The following CNTLN variants were observed in gnomAD, a reference collection of about 807,000 sequenced individuals.
CNTLN encodes the protein centlein, also known as centlein, centrosomal protein.
In CNTLN, 212 loss-of-function variants were observed where a neutral mutation model predicts 180.0. The ratio of observed to expected loss-of-function variants is 1.18; its 90% CI spans 1.05 to 1.32. The LOEUF (loss-of-function observed/expected upper bound fraction) is 1.32. CNTLN is among the 40% of genes most tolerant of loss of function. CNTLN has a pLI of 0.00. For synonymous variants in CNTLN, 722 were observed against 563.1 expected (o/e 1.28, Z -3.99); for missense variants, 2,095 against 1,610.9 (o/e 1.30, Z -5.14).
chr9:17,267,220 T>G (rs555635627), intron 5 of CNTLN, among the ~76,000 whole-genome samples: 5 of 152,266 alleles, frequency 3.3e-5, no homozygotes, highest in Admixed American at 1.3e-4. Flanking sequence ...AGGAGCTCTT[T>G]TAGGGCAGGC....
At chr9:17,289,630 T>A (rs1164890773) in intron 6 of CNTLN, among the ~76,000 whole-genome samples, 5 of 128,626 alleles carry the variant, frequency 3.9e-5, no homozygotes, top group East Asian at 2.2e-4. Flanking sequence ...ATTCTCCCCA[T>A]CACTTTCAGG....
chr9:17,325,917 A>G (rs1054943283), intron 8 of CNTLN, among the ~76,000 whole-genome samples: 14 of 152,068 alleles, frequency 9.2e-5, no homozygotes, highest in Non-Finnish European at 1.5e-4. Flanking sequence ...TTTTCTATGT[A>G]TTAGGCAATA....
intron 18 of CNTLN, among the ~76,000 whole-genome samples, chr9:17,438,395 A>T (rs1829906295): frequency 6.6e-6 from 1 of 152,180 alleles, no homozygotes; most frequent in African/African-American, 2.4e-5. Context: ...TTGATGACCA[A>T]TTGCATATAG....
At chr9:17,207,817 T>G (rs1218992538) in intron 2 of CNTLN, among the ~76,000 whole-genome samples, 1 of 152,172 alleles carries the variant, frequency 6.6e-6, no homozygotes, top group Non-Finnish European at 1.5e-5. Flanking sequence ...TATGCTGACT[T>G]TTTATCATGC....
intron 7 of CNTLN, among the ~76,000 whole-genome samples, chr9:17,307,711 T>C (rs1407061884): frequency 1.3e-5 from 2 of 152,124 alleles, no homozygotes; most frequent in South Asian, 2.1e-4. Context: ...TACAAGCCTT[T>C]TTAAATTTTA....
At chr9:17,243,561 T>G (rs1819484) in intron 5 of CNTLN, among the ~76,000 whole-genome samples, 26,290 of 152,150 alleles carry the variant, frequency 0.17, 2,564 homozygotes, top group South Asian at 0.28. Flanking sequence ...CTTAATTTCT[T>G]CATTGACCTA....
chr9:17,508,978 C>T, the CNTLN span, among the ~76,000 whole-genome samples: 1 of 152,168 alleles, frequency 6.6e-6, no homozygotes, highest in Non-Finnish European at 1.5e-5. Flanking sequence ...GTCATGCTCA[C>T]CAAAGGGTGA....
At chr9:17,234,981 A>G (rs756596602) in intron 3 of CNTLN, among the ~76,000 whole-genome samples, 21 of 152,156 alleles carry the variant, frequency 1.4e-4, no homozygotes, top group Middle Eastern at 3.2e-3. Context: ...TGGATTATAG[A>G]TTAGATAGTC....
chr9:17,515,982 C>T, the CNTLN span, among the ~76,000 whole-genome samples: 1 of 152,162 alleles, frequency 6.6e-6, no homozygotes. Context: ...TCATCTTCTT[C>T]CTCTCCTTAT....
At chr9:17,178,518 G>A (rs534162588) in intron 2 of CNTLN, among the ~76,000 whole-genome samples, 1 of 152,112 alleles carries the variant, frequency 6.6e-6, no homozygotes, top group African/African-American at 2.4e-5. Flanking sequence ...GGGCGGGGGC[G>A]GGGGGTGCAT....
chr9:17,448,974 G>A (rs747683562), intron 18 of CNTLN, among the ~76,000 whole-genome samples: 5 of 152,194 alleles, frequency 3.3e-5, no homozygotes, highest in Admixed American at 3.3e-4. Context: ...ATCAAATAGC[G>A]CTACCATCCT....
intron 6 of CNTLN, among the ~76,000 whole-genome samples, chr9:17,297,102 T>G (rs1284889585): frequency 6.6e-6 from 1 of 152,168 alleles, no homozygotes; most frequent in African/African-American, 2.4e-5. Flanking sequence ...ATTGAAAATA[T>G]CAGGTGAAGA....
intron 12 of CNTLN, among the ~76,000 whole-genome samples, chr9:17,351,126 G>A (rs1315434271): frequency 6.6e-6 from 1 of 152,086 alleles, no homozygotes. Flanking sequence ...CAACACTCTG[G>A]CACCATCTCT....
At chr9:17,276,409 A>C (rs1431139260) in intron 6 of CNTLN, among the ~76,000 whole-genome samples, 2 of 152,120 alleles carry the variant, frequency 1.3e-5, no homozygotes, top group African/African-American at 4.8e-5. Context: ...ATGAAGCCAT[A>C]ATTGTGGAAA....
chr9:17,401,786 A>C (rs1826994763), intron 15 of CNTLN, among the ~76,000 whole-genome samples: 1 of 149,448 alleles, frequency 6.7e-6, no homozygotes, highest in Non-Finnish European at 1.5e-5. Context: ...GCAAGAGATG[A>C]AAATACAGAG....
At chr9:17,215,739 G>C (rs1292800452) in intron 2 of CNTLN, among the ~76,000 whole-genome samples, 2 of 152,084 alleles carry the variant, frequency 1.3e-5, no homozygotes, top group East Asian at 3.9e-4. Context: ...ACCTACTCAA[G>C]CCTCAGCAAT....
downstream of CNTLN, among the ~76,000 whole-genome samples, chr9:17,506,138 C>T (rs1230120799): frequency 2.6e-5 from 4 of 151,330 alleles, no homozygotes; most frequent in Non-Finnish European, 4.4e-5. Context: ...ACATAAATTA[C>T]ATCAAAATGG....
At chr9:17,348,408 G>C (rs1822087718) in intron 12 of CNTLN, among the ~76,000 whole-genome samples, 1 of 152,140 alleles carries the variant, frequency 6.6e-6, no homozygotes, top group African/African-American at 2.4e-5. Flanking sequence ...AAAGATGGGA[G>C]ACTTACTCCT....
intron 1 of CNTLN, 30 bp from the exon 2 acceptor site, chr9:17,143,258 T>C: frequency 6.7e-7 from 1 of 1,482,268 alleles, no homozygotes; most frequent in South Asian, 1.2e-5. Context: ...TACAAAGCAA[T>C]GCATCTAAAT....
Sources: allele counts gnomAD v4.1 joint callset (sites outside exome capture counted in the v4.1 genomes callset), GRCh38; gene constraint gnomAD v4.1.1; transcripts MANE v1.5; gene names NCBI Gene and HGNC (gene_info 2026-07-23, HGNC 2026-07-21).